The following XDH variants were observed in gnomAD, a reference collection of about 807,000 sequenced individuals.
The protein encoded by XDH is xanthine dehydrogenase/oxidase.
In XDH, 138 loss-of-function variants were observed where a neutral mutation model predicts 156.1. The ratio of observed to expected loss-of-function variants is 0.88; its 90% CI spans 0.77 to 1.02. The LOEUF (loss-of-function observed/expected upper bound fraction) is 1.02, where lower values mean the gene tolerates loss of function less well. Among genes scored for constraint, XDH ranks in the 50% least tolerant of loss-of-function variants. The probability of loss-of-function intolerance (pLI) is 0.00; values close to 1 mark genes in which losing one functional copy is unlikely to be tolerated. For missense variants in XDH, 1,849 were observed against 1,684.9 expected, an observed-to-expected ratio of 1.10 and a Z score of -1.71; for synonymous variants, 669 against 625.7, an observed-to-expected ratio of 1.07 and a Z score of -1.03.
At chr2:31,390,740 T>C (rs565285512) in intron 6 of XDH, among the ~76,000 whole-genome samples, 1 of 152,320 alleles carries the variant, frequency 6.6e-6, no homozygotes, top group Admixed American at 6.5e-5. Context: ...TTCTTTCAAT[T>C]TGCAATTCCC....
intron 24 of XDH, among the ~76,000 whole-genome samples, chr2:31,357,588 T>C (rs1047699731): frequency 6.6e-6 from 1 of 152,018 alleles, no homozygotes; most frequent in African/African-American, 2.4e-5. Context: ...GGATGGTTAA[T>C]ACATATAAAA....
chr2:31,353,627 A>G (rs1558681978), intron 24 of XDH, among the ~76,000 whole-genome samples: 3 of 152,322 alleles, frequency 2.0e-5, no homozygotes, highest in Admixed American at 2.0e-4. Flanking sequence ...CAGAAATGCC[A>G]ATGATGACAG....
chr2:31,336,727 G>T (rs1453877121), intron 35 of XDH, among the ~76,000 whole-genome samples: 1 of 150,144 alleles, frequency 6.7e-6, no homozygotes, highest in African/African-American at 2.5e-5. Flanking sequence ...TGGTGGATTT[G>T]TCTGCCCCTG....
intron 28 of XDH, 31 bp downstream of exon 28, chr2:31,348,237 G>A (rs200977516): frequency 3.5e-5 from 57 of 1,607,150 alleles, no homozygotes; most frequent in Middle Eastern, 3.3e-4. Context: ...CTCTAACAAC[G>A]GACACAACAC....
chr2:31,356,391 G>T (rs1389055667), intron 24 of XDH, among the ~76,000 whole-genome samples: 1 of 152,186 alleles, frequency 6.6e-6, no homozygotes, highest in African/African-American at 2.4e-5. Flanking sequence ...ATGTGATAAA[G>T]TTAAGGATCT....
intron 35 of XDH, among the ~76,000 whole-genome samples, chr2:31,337,063 C>T (rs1684986277): frequency 6.6e-6 from 1 of 151,842 alleles, no homozygotes; most frequent in Non-Finnish European, 1.5e-5. Flanking sequence ...CGGAATTCTT[C>T]TACTACTTTC....
intron 6 of XDH, among the ~76,000 whole-genome samples, chr2:31,388,635 A>C (rs978655688): frequency 6.6e-6 from 1 of 152,182 alleles, no homozygotes; most frequent in African/African-American, 2.4e-5. Context: ...GGAAGCGTCT[A>C]TGAGGGATAT....
Position 31,387,859 on chromosome 2 carries a change from G to T in XDH, c.603C>A (p.Phe201Leu). 1 of 1,588,530 alleles carries T rather than the reference G, an allele frequency of 6.3e-7. No individual in the cohort carries two copies. Among genetic ancestry groups the T allele is most frequent in the Non-Finnish European group, 8.6e-7 (1 of 1,167,902 alleles). Residue 201 changes from phenylalanine (F) to leucine (L), a missense_variant, in exon 8 of 36, where the codon TTC becomes TTA. Phe to Leu is a conservative substitution (Grantham distance 22). Coordinates refer to ENST00000379416, the MANE Select transcript of XDH (RefSeq NM_000379.4). The part of the protein sequence containing the change: ...LSPSLFKPEE[F>L]TPLDPTQEPI... The stretch of plus-strand genomic sequence containing the variant: ...GCTCCTGGGTTGGATCCAGGGGCGT[G>T]AACTCCTCTGGTTTGAATAAAGATG...
At chr2:31,343,825 T>TATAC (rs1171072380) in intron 31 of XDH, among the ~76,000 whole-genome samples, 1 of 150,766 alleles carries the variant, frequency 6.6e-6, no homozygotes, top group African/African-American at 2.4e-5. Context: ...CTAACATATA[T>TATAC]ATGTTCATAT....
At position 31,366,980 on chromosome 2, in the gene XDH, C is replaced by T. The variant is rs780514059; in HGVS notation, c.2212G>A (p.Gly738Ser). Reference sequence around the variant, plus strand: ...TCCAGGTAGAAGTGCTCTTGGCCACCGATGTATATCTCCCCTGGGGAAGCA... The same window carrying T: ...TCCAGGTAGAAGTGCTCTTGGCCACTGATGTATATCTCCCCTGGGGAAGCA... Reference protein sequence around the residue: ...DNVVSGEIYIGGQEHFYLETH... With the variant: ...DNVVSGEIYISGQEHFYLETH... The change falls in exon 21 of 36, where the codon GGT becomes AGT. Residue 738 changes from glycine to serine, a missense_variant. Physicochemically the swap from Gly to Ser is moderately conservative, Grantham distance 56. Coordinates refer to ENST00000379416, the MANE Select transcript of XDH (RefSeq NM_000379.4). 9 of 1,614,086 alleles carry T rather than the reference C, an allele frequency of 5.6e-6. No individual in the cohort carries two copies. The highest frequency in any genetic ancestry group is 1.1e-5 in the South Asian group (1 of 91,074).
chr2:31,370,972 A>C (rs1476005959), intron 17 of XDH, among the ~76,000 whole-genome samples: 1 of 152,238 alleles, frequency 6.6e-6, no homozygotes, highest in Non-Finnish European at 1.5e-5. Flanking sequence ...TCATGCACAC[A>C]TCACACCTAA....
At chr2:31,382,418 T>C (rs1188596585) in intron 11 of XDH, among the ~76,000 whole-genome samples, 1 of 152,172 alleles carries the variant, frequency 6.6e-6, no homozygotes. Flanking sequence ...ATGGAAGAGA[T>C]AGCTTTTCTT....
Position 31,347,544 on chromosome 2 carries a change from T to C in XDH, c.3254A>G (p.Asp1085Gly). 1 of 1,613,972 alleles carries C rather than the reference T, an allele frequency of 6.2e-7. No individual in the cohort carries two copies. The highest frequency in any genetic ancestry group is 8.5e-7 in the Non-Finnish European group (1 of 1,179,988). The change falls in exon 29 of 36, where the codon GAC (aspartate) becomes GGC (glycine). Residue 1085 changes from aspartate (D) to glycine (G), a missense_variant. By Grantham distance (94) the Asp-to-Gly change is moderately conservative. Coordinates refer to ENST00000379416, the MANE Select transcript of XDH (RefSeq NM_000379.4). ...TACATAGACGGCCTGTCCATTGAGGTCAGCGCTGACAGAGGCAGCCGTGGG... is the reference window on the plus strand; with the variant it reads ...TACATAGACGGCCTGTCCATTGAGGCCAGCGCTGACAGAGGCAGCCGTGGG... ...TSPTAASVSA[D>G]LNGQAVYAAC... is the part of the protein sequence containing the mutation.
rs10171290 is a variant in XDH, at chr2:31,372,558, T to C, written c.1687-161A>G. 0.32 allele frequency among the ~76,000 whole-genome samples: 49,396 copies of C among 152,092 alleles called. 8,468 individuals carry two copies. The highest frequency in any genetic ancestry group is 0.48 in the East Asian group (2,492 of 5,168). On this transcript the variant is annotated intron_variant, in intron 16 of 35. Transcript: ENST00000379416. ...GGGGCAAAGGGAACAGGAAGGTGCATAAGTGATAGCAAGGGTGGTCCTAGT... is the reference window on the plus strand; with the variant it reads ...GGGGCAAAGGGAACAGGAAGGTGCACAAGTGATAGCAAGGGTGGTCCTAGT...
intron 30 of XDH, 45 bp downstream of exon 30, chr2:31,346,724 T>C (rs775071243): frequency 6.2e-7 from 1 of 1,612,116 alleles, no homozygotes; most frequent in Non-Finnish European, 8.5e-7. Context: ...CTGCTGTCAA[T>C]TTCCCTCTCC....
chr2:31,391,523 G>A (rs1686762939), intron 6 of XDH, among the ~76,000 whole-genome samples: 1 of 152,144 alleles, frequency 6.6e-6, no homozygotes, highest in Admixed American at 6.5e-5. Context: ...GGATCAATTT[G>A]TTGATAGCCA....
chr2:31,366,447 A>G (rs1450335561), intron 21 of XDH, among the ~76,000 whole-genome samples: 1 of 152,206 alleles, frequency 6.6e-6, no homozygotes, highest in African/African-American at 2.4e-5. Flanking sequence ...TAGAGAAACA[A>G]AGAATATTTG....
intron 34 of XDH, 127 bp from the exon 35 acceptor site, chr2:31,337,944 G>T (rs1685012262): frequency 3.1e-6 from 3 of 962,108 alleles, no homozygotes; most frequent in African/African-American, 3.3e-5. Flanking sequence ...GGAAAGCACT[G>T]ATGGGAGCCA....
intron 4 of XDH, 70 bp from the exon 5 acceptor site, chr2:31,398,769 G>T: frequency 6.2e-7 from 1 of 1,604,520 alleles, no homozygotes; most frequent in Non-Finnish European, 8.5e-7. Flanking sequence ...GGACTCGACT[G>T]GAGCCAGCAC....
Sources: allele counts gnomAD v4.1 joint callset (sites outside exome capture counted in the v4.1 genomes callset), GRCh38; gene constraint gnomAD v4.1.1; transcripts MANE v1.5; gene names NCBI Gene and HGNC (gene_info 2026-07-23, HGNC 2026-07-21).